The following TTC28 variants were observed in gnomAD, a reference collection of about 807,000 sequenced individuals.
TTC28 encodes the protein tetratricopeptide repeat protein 28.
A neutral mutation model predicts 198.0 loss-of-function variants in TTC28; 61 were observed. That is an observed-to-expected ratio of 0.31 (90% CI 0.25 to 0.38). The LOEUF (loss-of-function observed/expected upper bound fraction) is 0.38, where lower values mean the gene tolerates loss of function less well. Ranked by LOEUF, TTC28 falls within the 10% of genes least tolerant of loss-of-function variation. The pLI is 1.00. For synonymous variants in TTC28, 1,171 were observed against 1,297.8 expected (o/e 0.90, Z 2.10); for missense variants, 2,678 against 3,164.0 (o/e 0.85, Z 3.69).
chr22:28,177,377 A>G (rs901970649), intron 5 of TTC28, among the ~76,000 whole-genome samples: 1 of 152,222 alleles, frequency 6.6e-6, no homozygotes, highest in Admixed American at 6.5e-5. Flanking sequence ...AAGAACATGG[A>G]ACAATAGAAA....
intron 5 of TTC28, among the ~76,000 whole-genome samples, chr22:28,193,251 C>A (rs1480014404): frequency 6.6e-6 from 1 of 152,100 alleles, no homozygotes; most frequent in Non-Finnish European, 1.5e-5. Flanking sequence ...GATTTTGTCA[C>A]CAGCAGGCCT....
chr22:28,020,457 C>T (rs144176997), intron 13 of TTC28, among the ~76,000 whole-genome samples: 7 of 152,300 alleles, frequency 4.6e-5, no homozygotes, highest in Admixed American at 2.0e-4. Flanking sequence ...AGAGGGTCTG[C>T]GAAGAGCAGC....
At chr22:28,647,788 A>G (rs987961190) in intron 1 of TTC28, among the ~76,000 whole-genome samples, 5 of 152,096 alleles carry the variant, frequency 3.3e-5, no homozygotes, top group African/African-American at 1.2e-4. Context: ...GCAGTGAGCC[A>G]AGATCGAGCC....
Position 28,238,615 on chromosome 22 carries a change from AG to A in TTC28, c.933+57582del, listed in dbSNP as rs1218231709. ...GGATGAGTTGAGCATAGCCTTTACCAGGGCTGTTTAGTTCTACTTCTAAGAT... is the reference window on the plus strand; with the variant it reads ...GGATGAGTTGAGCATAGCCTTTACCAGGCTGTTTAGTTCTACTTCTAAGAT... On this transcript the variant is annotated intron_variant, in intron 5 of 22. Transcript: ENST00000397906. 4.6e-5 allele frequency among the ~76,000 whole-genome samples: 7 copies of A among 152,270 alleles called. No individual in the cohort carries two copies. The South Asian group carries it at 1.2e-3, about 27-fold the overall frequency.
chr22:28,255,061 A>C (rs1930800762), intron 5 of TTC28, among the ~76,000 whole-genome samples: 1 of 152,214 alleles, frequency 6.6e-6, no homozygotes. Flanking sequence ...ATTAAGAACA[A>C]GTCCTCAACT....
chr22:28,553,128 C>T (rs371991529), intron 2 of TTC28, among the ~76,000 whole-genome samples: 23 of 152,250 alleles, frequency 1.5e-4, no homozygotes, highest in African/African-American at 3.6e-4. Context: ...GCGTGATCTC[C>T]GCTCGCTGCA....
chr22:28,332,706 A>G (rs916005168), intron 2 of TTC28, among the ~76,000 whole-genome samples: 2 of 152,142 alleles, frequency 1.3e-5, no homozygotes, highest in African/African-American at 4.8e-5. Context: ...TTATATCCAC[A>G]TTTAAATGCC....
chr22:27,986,480 T>G (rs1486685231), intron 21 of TTC28: 3 of 151,884 alleles, frequency 2.0e-5, no homozygotes, highest in Admixed American at 6.6e-5. Context: ...GCCTGAAGAG[T>G]CTTCAGCATT....
intron 2 of TTC28, among the ~76,000 whole-genome samples, chr22:28,617,668 A>G (rs372178348): frequency 6.6e-6 from 1 of 152,300 alleles, no homozygotes; most frequent in African/African-American, 2.4e-5. Flanking sequence ...CAATGGGAGA[A>G]TAACAAATGC....
At chr22:28,109,607 G>A (rs1942427988) in intron 6 of TTC28, among the ~76,000 whole-genome samples, 1 of 152,220 alleles carries the variant, frequency 6.6e-6, no homozygotes, top group Non-Finnish European at 1.5e-5. Flanking sequence ...GTTTAAAAAA[G>A]TGAGTTATAT....
intron 5 of TTC28, among the ~76,000 whole-genome samples, chr22:28,221,154 C>T (rs1038865310): frequency 7.9e-5 from 12 of 152,000 alleles, no homozygotes; most frequent in African/African-American, 1.5e-4. Flanking sequence ...AAGAAGAATA[C>T]GGGCCCTAGG....
intron 2 of TTC28, among the ~76,000 whole-genome samples, chr22:28,307,132 GAC>G (rs1470184043): frequency 6.6e-6 from 1 of 151,998 alleles, no homozygotes; most frequent in East Asian, 1.9e-4. Context: ...AATAATGAGT[GAC>G]ACAACATGGC....
At chr22:28,602,983 G>A (rs1056325341) in intron 2 of TTC28, among the ~76,000 whole-genome samples, 6 of 152,072 alleles carry the variant, frequency 3.9e-5, no homozygotes, top group East Asian at 1.9e-4. Context: ...GGGTTCCAGC[G>A]ATTCTCCTGC....
Position 28,028,976 on chromosome 22 carries a change from C to A in TTC28, c.4073+1250G>T, listed in dbSNP as rs138399520. 8.5e-6 allele frequency: 4 copies of A among 471,050 alleles called. No individual in the cohort carries two copies. The East Asian group carries it at 2.8e-4, about 33-fold the overall frequency. 29.2% of individuals were successfully genotyped at this position (471,050 alleles called of 1,614,324 possible). A position where few individuals can be genotyped will look rare whatever the true frequency, so the allele number is the denominator to read the frequency against. On this transcript the variant is annotated intron_variant, in intron 13 of 22. Coordinates refer to ENST00000397906, the MANE Select transcript of TTC28 (RefSeq NM_001145418.2). ...GCAAGGCCAGAGGCTGCACTCTGAG[C>A]TCTTCACACTCTAGTTTATCACCAC...
intron 2 of TTC28, among the ~76,000 whole-genome samples, chr22:28,447,528 T>A (rs554918833): frequency 6.6e-6 from 1 of 152,218 alleles, no homozygotes; most frequent in African/African-American, 2.4e-5. Flanking sequence ...AGGCTTCAGT[T>A]TCTCATACGT....
chr22:28,582,124 A>G (rs1432592817), intron 2 of TTC28, among the ~76,000 whole-genome samples: 1 of 152,150 alleles, frequency 6.6e-6, no homozygotes. Flanking sequence ...CATGTTTTCA[A>G]ATTTATCTTA....
At chr22:28,585,890 T>C (rs1301050104) in intron 2 of TTC28, among the ~76,000 whole-genome samples, 1 of 151,862 alleles carries the variant, frequency 6.6e-6, no homozygotes, top group Non-Finnish European at 1.5e-5. Flanking sequence ...GATGGATTGA[T>C]GGGTTCAGCA....
intron 2 of TTC28, among the ~76,000 whole-genome samples, chr22:28,373,903 CA>C (rs2046373219): frequency 6.6e-6 from 1 of 152,066 alleles, no homozygotes; most frequent in South Asian, 2.1e-4. Context: ...GACTATTTTT[CA>C]GAAAAAAATG....
At chr22:28,564,758 A>G (rs944405886) in intron 2 of TTC28, among the ~76,000 whole-genome samples, 20 of 150,318 alleles carry the variant, frequency 1.3e-4, no homozygotes, top group African/African-American at 4.6e-4. Context: ...ACGTTACACA[A>G]CCCCCAATCA....
Sources: gnomAD v4.1 joint callset for allele counts (sites outside exome capture counted in the v4.1 genomes callset) on GRCh38, gnomAD v4.1.1 for gene constraint, MANE v1.5 for transcripts, NCBI Gene and HGNC (gene_info 2026-07-23, HGNC 2026-07-21) for gene names.